Variants in TENM3 observed in about 807,000 individuals in gnomAD.
TENM3 encodes the protein teneurin transmembrane protein 3, also known as teneurin-3.
TENM3 carries 63 observed loss-of-function variants against 255.1 expected under a neutral mutation model. That is an observed-to-expected ratio of 0.25 (90% confidence interval 0.20 to 0.30). The LOEUF is 0.30. Ranked by LOEUF, TENM3 falls within the 10% of genes least tolerant of loss-of-function variation. The probability of loss-of-function intolerance (pLI) is 1.00; values close to 1 mark genes in which losing one functional copy is unlikely to be tolerated. For synonymous variants in TENM3, 1,306 were observed against 1,322.3 expected (o/e 0.99, Z 0.27); for missense variants, 2,929 against 3,461.1 (o/e 0.85, Z 3.86).
At chr4:182,310,823 C>T (rs1762397691) in intron 1 of TENM3, among the ~76,000 whole-genome samples, 1 of 152,170 alleles carries the variant, frequency 6.6e-6, no homozygotes, top group Admixed American at 6.5e-5. Flanking sequence ...TCTCCTGCCT[C>T]AGCCTCCCGA....
the TENM3 span, among the ~76,000 whole-genome samples, chr4:182,138,216 A>G: frequency 6.6e-6 from 1 of 152,216 alleles, no homozygotes; most frequent in African/African-American, 2.4e-5. Flanking sequence ...TAAACAGTGC[A>G]AAGTACAACA....
At chr4:182,052,928 G>T in the TENM3 span, among the ~76,000 whole-genome samples, 1 of 151,984 alleles carries the variant, frequency 6.6e-6, no homozygotes, top group Non-Finnish European at 1.5e-5. Flanking sequence ...TGCGTTTTAG[G>T]CCTTAAAGTC....
At chr4:181,595,250 G>A in the TENM3 span, among the ~76,000 whole-genome samples, 4 of 151,890 alleles carry the variant, frequency 2.6e-5, no homozygotes. Context: ...GGCCAACATG[G>A]TGAAACCCCA....
At chr4:181,884,623 G>A in the TENM3 span, among the ~76,000 whole-genome samples, 19 of 152,148 alleles carry the variant, frequency 1.2e-4, no homozygotes, top group African/African-American at 4.3e-4. Context: ...GTTGTAGCAT[G>A]TATCAGAATT....
At chr4:181,955,664 G>A in the TENM3 span, among the ~76,000 whole-genome samples, 2 of 152,152 alleles carry the variant, frequency 1.3e-5, no homozygotes, top group Admixed American at 6.5e-5. Flanking sequence ...ACAAAGGGGC[G>A]CAGGTCCTAG....
the TENM3 span, among the ~76,000 whole-genome samples, chr4:181,474,167 G>C: frequency 1.3e-5 from 2 of 151,964 alleles, no homozygotes; most frequent in African/African-American, 4.8e-5. Flanking sequence ...GCCTGTAGGG[G>C]GATGGGGAGT....
chr4:182,548,493 T>TG (rs1174466483), intron 3 of TENM3, among the ~76,000 whole-genome samples: 1 of 152,118 alleles, frequency 6.6e-6, no homozygotes, highest in Non-Finnish European at 1.5e-5. Context: ...CAACTCTACC[T>TG]GGGGGAGGAA....
chr4:182,478,537 G>T (rs1057081194), intron 3 of TENM3, among the ~76,000 whole-genome samples: 1 of 151,508 alleles, frequency 6.6e-6, no homozygotes, highest in African/African-American at 2.4e-5. Flanking sequence ...TTTTTTTGTA[G>T]CCCTCACCGT....
At chr4:182,333,467 A>G (rs988754828) in intron 2 of TENM3, among the ~76,000 whole-genome samples, 1 of 152,214 alleles carries the variant, frequency 6.6e-6, no homozygotes, top group East Asian at 1.9e-4. Flanking sequence ...AGATTAATAA[A>G]TCAAAGGGGA....
Position 182,323,387 on chromosome 4 carries a change from G to A in TENM3, c.-75-559G>A. ...TGAGTTCTTAAAACATGAAAATTGT[G>A]CCCTCTGAAGAAAGAGTCTTTGTAA... On this transcript the variant is annotated intron_variant, in intron 1 of 27. Transcript: ENST00000511685. 1.3e-5 allele frequency among the ~76,000 whole-genome samples: 2 copies of A among 148,742 alleles called. 1 individual carries two copies. The highest frequency in any genetic ancestry group is 3.9e-4 in the East Asian group (2 of 5,084).
intron 12 of TENM3, chr4:182,707,791 G>C (rs994948653): frequency 2.0e-5 from 3 of 152,140 alleles, no homozygotes; most frequent in Non-Finnish European, 4.4e-5. Flanking sequence ...CTGTGTATCT[G>C]AATGTATTTT....
At position 182,731,010 on chromosome 4, in the gene TENM3, A is replaced by G; in HGVS notation, c.2838A>G (p.Lys946=). ...FYVMDTLVMK[K]EENDIPSCDL... is the part of the protein sequence containing the mutation. ...TGATGGATACCCTAGTCATGAAGAA[A>G]GAAGAGAATGACATTCCCAGCTGTG... The change falls in exon 16 of 28, where the codon AAA becomes AAG. Residue 946 remains lysine, a synonymous_variant. Coordinates refer to ENST00000511685, the MANE Select transcript of TENM3 (RefSeq NM_001080477.4). 6.2e-7 allele frequency: 1 copy of G among 1,613,978 alleles called. No individual in the cohort carries two copies. Among genetic ancestry groups the G allele is most frequent in the Non-Finnish European group, 8.5e-7 (1 of 1,179,886 alleles).
the TENM3 span, among the ~76,000 whole-genome samples, chr4:181,556,852 A>T: frequency 1.3e-5 from 2 of 152,192 alleles, no homozygotes; most frequent in Non-Finnish European, 2.9e-5. Flanking sequence ...AACTTGCAAC[A>T]TCTCAAGTGC....
intron 3 of TENM3, among the ~76,000 whole-genome samples, chr4:182,348,876 T>A (rs900404641): frequency 2.0e-5 from 3 of 152,190 alleles, no homozygotes; most frequent in African/African-American, 7.2e-5. Flanking sequence ...GGAAGACTTG[T>A]GAGTTTCTCA....
At chr4:181,605,564 AAGAAAGAGAGAG>A in the TENM3 span, among the ~76,000 whole-genome samples, 14 of 25,026 alleles carry the variant, frequency 5.6e-4, 2 homozygotes, top group Non-Finnish European at 7.9e-4. Context: ...GAAAGAAAGA[AAGAAAGAGAGAG>A]AAAGAAAGGA....
intron 1 of TENM3, among the ~76,000 whole-genome samples, chr4:182,147,933 A>G (rs540963869): frequency 6.6e-6 from 1 of 152,290 alleles, no homozygotes; most frequent in African/African-American, 2.4e-5. Context: ...AAATTATTTT[A>G]CGTAAGCTTC....
chr4:182,314,259 C>T (rs1218835488), intron 1 of TENM3, among the ~76,000 whole-genome samples: 1 of 151,938 alleles, frequency 6.6e-6, no homozygotes, highest in East Asian at 1.9e-4. Flanking sequence ...CGAGATCGCG[C>T]CACTACACTC....
At chr4:182,094,594 G>A in the TENM3 span, among the ~76,000 whole-genome samples, 7 of 152,264 alleles carry the variant, frequency 4.6e-5, no homozygotes, top group African/African-American at 1.4e-4. Flanking sequence ...ACATAGAAAT[G>A]AACAACAGAA....
At chr4:181,861,061 C>T in the TENM3 span, among the ~76,000 whole-genome samples, 13 of 152,150 alleles carry the variant, frequency 8.5e-5, no homozygotes, top group African/African-American at 3.1e-4. Context: ...CATCATCCAG[C>T]GGTATCTTTC....
Sources: allele counts gnomAD v4.1 joint callset (sites outside exome capture counted in the v4.1 genomes callset), GRCh38; gene constraint gnomAD v4.1.1; transcripts MANE v1.5; gene names NCBI Gene and HGNC (gene_info 2026-07-23, HGNC 2026-07-21).